LYPLAL1: variants seen among roughly 807,000 people sequenced by gnomAD.
The protein encoded by LYPLAL1 is lysophospholipase like 1.
A neutral mutation model predicts 19.7 loss-of-function variants in LYPLAL1; 23 were observed. That is an observed-to-expected ratio of 1.17 (90% CI 0.84 to 1.65). LYPLAL1 has a LOEUF of 1.65. Among genes scored for constraint, LYPLAL1 ranks in the 40% most tolerant of loss-of-function variants. The pLI is 0.00. For missense variants in LYPLAL1, 355 were observed against 279.4 expected (o/e 1.27, Z -1.93); for synonymous variants, 119 against 96.3 (o/e 1.24, Z -1.38).
chr1:219,220,796 G>C, the LYPLAL1 span, among the ~76,000 whole-genome samples: 1 of 152,216 alleles, frequency 6.6e-6, no homozygotes, highest in East Asian at 1.9e-4. Context: ...GCAATAAAAG[G>C]CACATTATTG....
the LYPLAL1 span, among the ~76,000 whole-genome samples, chr1:219,232,336 TA>T: frequency 0.24 from 35,700 of 151,714 alleles, 4,498 homozygotes; most frequent in African/African-American, 0.3. Context: ...GCATACTTTT[TA>T]AAAAAAATAG....
chr1:219,357,936 A>T, the LYPLAL1 span, among the ~76,000 whole-genome samples: 1 of 152,212 alleles, frequency 6.6e-6, no homozygotes, highest in Admixed American at 6.5e-5. Context: ...CTAGTCTGCA[A>T]AGGCTACATA....
At chr1:219,303,570 T>G in the LYPLAL1 span, among the ~76,000 whole-genome samples, 2 of 152,196 alleles carry the variant, frequency 1.3e-5, no homozygotes, top group African/African-American at 4.8e-5. Context: ...TCATAGAACA[T>G]GTGAGCTGTG....
chr1:219,353,293 A>G, the LYPLAL1 span, among the ~76,000 whole-genome samples: 1 of 152,228 alleles, frequency 6.6e-6, no homozygotes, highest in South Asian at 2.1e-4. Flanking sequence ...GGAGGTAACT[A>G]TGCAAAGACA....
the LYPLAL1 span, among the ~76,000 whole-genome samples, chr1:219,324,858 G>A: frequency 6.6e-5 from 10 of 152,130 alleles, no homozygotes; most frequent in South Asian, 8.3e-4. Flanking sequence ...TAGAGTAACC[G>A]CCTTAAATAC....
At chr1:219,230,638 C>T in the LYPLAL1 span, among the ~76,000 whole-genome samples, 8 of 152,212 alleles carry the variant, frequency 5.3e-5, no homozygotes, top group Non-Finnish European at 1.0e-4. Context: ...CAGACAACCT[C>T]CTATCCCCAA....
chr1:219,240,757 C>A, the LYPLAL1 span, among the ~76,000 whole-genome samples: 1 of 152,158 alleles, frequency 6.6e-6, no homozygotes, highest in African/African-American at 2.4e-5. Context: ...GTTCCAAGAA[C>A]TAAGAAAATT....
At chr1:219,391,645 T>C in the LYPLAL1 span, among the ~76,000 whole-genome samples, 1 of 152,126 alleles carries the variant, frequency 6.6e-6, no homozygotes, top group Non-Finnish European at 1.5e-5. Flanking sequence ...TTTGAGAAGA[T>C]TTTTTTAAGA....
the LYPLAL1 span, among the ~76,000 whole-genome samples, chr1:219,357,995 G>T: frequency 6.6e-6 from 1 of 152,070 alleles, no homozygotes; most frequent in Non-Finnish European, 1.5e-5. Flanking sequence ...AACTGTAGAG[G>T]CAGTAAGCAG....
At chr1:219,313,623 C>T in the LYPLAL1 span, among the ~76,000 whole-genome samples, 1 of 151,858 alleles carries the variant, frequency 6.6e-6, no homozygotes, top group Non-Finnish European at 1.5e-5. Context: ...CCTCCACATA[C>T]TTCCGGGTTC....
At chr1:219,266,619 A>G in the LYPLAL1 span, among the ~76,000 whole-genome samples, 2 of 152,210 alleles carry the variant, frequency 1.3e-5, no homozygotes, top group Admixed American at 6.5e-5. Context: ...TACACACTAT[A>G]TATAATTGTA....
the LYPLAL1 span, among the ~76,000 whole-genome samples, chr1:219,247,554 G>A: frequency 6.6e-6 from 1 of 152,158 alleles, no homozygotes; most frequent in Non-Finnish European, 1.5e-5. Context: ...GAGTTAGCTG[G>A]ACCAAAGGCT....
the LYPLAL1 span, among the ~76,000 whole-genome samples, chr1:219,259,104 T>TA: frequency 2.4e-4 from 36 of 149,810 alleles, no homozygotes; most frequent in Non-Finnish European, 2.2e-4. Flanking sequence ...AATTAAAAAA[T>TA]AAAAAAAAAT....
chr1:219,249,420 A>G, the LYPLAL1 span, among the ~76,000 whole-genome samples: 2 of 151,872 alleles, frequency 1.3e-5, no homozygotes, highest in Non-Finnish European at 2.9e-5. Flanking sequence ...AAATGCCACC[A>G]TTTCTCCATT....
chr1:219,287,662 G>C, the LYPLAL1 span, among the ~76,000 whole-genome samples: 1 of 152,114 alleles, frequency 6.6e-6, no homozygotes, highest in African/African-American at 2.4e-5. Flanking sequence ...GAGCTACTTT[G>C]GAAGAAATTT....
chr1:219,307,104 G>C, the LYPLAL1 span, among the ~76,000 whole-genome samples: 490 of 151,128 alleles, frequency 3.2e-3, 2 homozygotes, highest in African/African-American at 0.011. Flanking sequence ...AACTGACTTT[G>C]AAAGTAACTT....
chr1:219,235,230 A>G, the LYPLAL1 span, among the ~76,000 whole-genome samples: 1 of 152,232 alleles, frequency 6.6e-6, no homozygotes, highest in East Asian at 1.9e-4. Flanking sequence ...TAAATCACAT[A>G]CTAACCAATG....
chr1:219,263,712 C>A, the LYPLAL1 span, among the ~76,000 whole-genome samples: 13 of 152,248 alleles, frequency 8.5e-5, no homozygotes, highest in Admixed American at 3.3e-4. Flanking sequence ...AGGGCTCTTC[C>A]TGCTGCTTCT....
At chr1:219,372,007 TC>T in the LYPLAL1 span, among the ~76,000 whole-genome samples, 1 of 152,214 alleles carries the variant, frequency 6.6e-6, no homozygotes, top group Admixed American at 6.5e-5. Context: ...CTATCCCTGT[TC>T]CTTGAACACC....
Sources: gnomAD v4.1 joint callset for allele counts (sites outside exome capture counted in the v4.1 genomes callset) on GRCh38, gnomAD v4.1.1 for gene constraint, MANE v1.5 for transcripts, NCBI Gene and HGNC (gene_info 2026-07-23, HGNC 2026-07-21) for gene names.